The following SLC30A8 variants were observed in gnomAD, a reference collection of about 807,000 sequenced individuals.
SLC30A8 encodes solute carrier family 30 member 8.
A neutral mutation model predicts 36.9 loss-of-function variants in SLC30A8; 27 were observed. The observed-to-expected ratio is 0.73, with a 90% CI of 0.54 to 1.01. The LOEUF is 1.01. Ranked by LOEUF, SLC30A8 falls within the 50% of genes least tolerant of loss-of-function variation. The pLI, the probability that SLC30A8 is intolerant of heterozygous loss-of-function variation, is 0.00. For synonymous variants in SLC30A8, 164 were observed against 172.4 expected (o/e 0.95, Z 0.38); for missense variants, 439 against 452.0 (o/e 0.97, Z 0.26).
chr8:117,020,644 T>C (rs1816667041), intron 1 of SLC30A8, among the ~76,000 whole-genome samples: 1 of 146,978 alleles, frequency 6.8e-6, no homozygotes, highest in South Asian at 2.2e-4. Flanking sequence ...GTTGAATAAA[T>C]TCTGGTACAT....
chr8:117,145,437 G>T (rs73317630), intron 1 of SLC30A8, among the ~76,000 whole-genome samples: 1 of 151,564 alleles, frequency 6.6e-6, no homozygotes, highest in Non-Finnish European at 1.5e-5. Context: ...TAATAATAGA[G>T]TCAGAATAAT....
intron 1 of SLC30A8, among the ~76,000 whole-genome samples, chr8:117,035,008 A>G (rs1270808213): frequency 6.6e-6 from 1 of 152,100 alleles, no homozygotes; most frequent in Non-Finnish European, 1.5e-5. Flanking sequence ...ACCTCCCACC[A>G]TGTCTCTCTC....
intron 1 of SLC30A8, among the ~76,000 whole-genome samples, chr8:117,001,454 TTTTATTG>T (rs1036122841): frequency 6.6e-6 from 1 of 152,076 alleles, no homozygotes; most frequent in Non-Finnish European, 1.5e-5. Context: ...AATGCATCTC[TTTTATTG>T]TTTATGCTGT....
chr8:117,080,061 C>T (rs775549510), intron 2 of SLC30A8, among the ~76,000 whole-genome samples: 22 of 152,124 alleles, frequency 1.4e-4, no homozygotes, highest in Admixed American at 2.6e-4. Context: ...AGACAAGGAG[C>T]GAACTCAGAA....
intron 2 of SLC30A8, among the ~76,000 whole-genome samples, chr8:117,068,289 A>C (rs1273460251): frequency 6.6e-6 from 1 of 152,200 alleles, no homozygotes; most frequent in Non-Finnish European, 1.5e-5. Flanking sequence ...CTGTAGAAGA[A>C]GGGTGCTTCA....
At chr8:117,001,203 G>GA (rs1815998824) in intron 1 of SLC30A8, among the ~76,000 whole-genome samples, 1 of 106,606 alleles carries the variant, frequency 9.4e-6, no homozygotes. Context: ...TTTGCTAGGG[G>GA]CTTTTTTTTT....
rs1409506293 is a variant in SLC30A8, at chr8:117,175,921, CTG to C, written c.*3242_*3243del. ...TTAAAATAGTCGAATCCCTTTCTGACTGTCTCTGAAAGCTTCCGCTTTTATCT... is the reference window on the plus strand; with the variant it reads ...TTAAAATAGTCGAATCCCTTTCTGACTCTCTGAAAGCTTCCGCTTTTATCT... On this transcript the variant is annotated 3_prime_UTR_variant, in exon 8 of 8. Transcript: ENST00000456015. 5.9e-5 allele frequency: 9 copies of C among 152,058 alleles called. No individual in the cohort carries two copies. Among genetic ancestry groups the C allele is most frequent in the Non-Finnish European group, 1.5e-5 (1 of 67,986 alleles). The allele number at this position is 152,058 out of a possible 1,614,324, so 9.4% of individuals were successfully genotyped here.
chr8:117,158,974 A>G (rs796756310), intron 4 of SLC30A8, among the ~76,000 whole-genome samples: 5 of 152,362 alleles, frequency 3.3e-5, no homozygotes, highest in African/African-American at 1.2e-4. Context: ...GTGGGTCCAC[A>G]TAATGACAAG....
intron 2 of SLC30A8, among the ~76,000 whole-genome samples, chr8:117,120,069 C>G (rs1273664880): frequency 6.6e-6 from 1 of 151,694 alleles, no homozygotes. Context: ...AAATTCAATG[C>G]AATTTCTGTC....
chr8:116,981,907 A>G (rs1215655830), intron 1 of SLC30A8, among the ~76,000 whole-genome samples: 1 of 152,172 alleles, frequency 6.6e-6, no homozygotes, highest in Non-Finnish European at 1.5e-5. Flanking sequence ...TGATAGAATC[A>G]TTTACATTCC....
chr8:117,001,120 A>C (rs748673879), intron 1 of SLC30A8, among the ~76,000 whole-genome samples: 1 of 151,548 alleles, frequency 6.6e-6, no homozygotes, highest in Non-Finnish European at 1.5e-5. Context: ...GGTTCTCCTA[A>C]ATTTTTGGCC....
intron 2 of SLC30A8, among the ~76,000 whole-genome samples, chr8:117,066,205 G>A (rs757691960): frequency 6.6e-6 from 1 of 152,258 alleles, no homozygotes; most frequent in East Asian, 1.9e-4. Context: ...GTAGGCAAGC[G>A]CCTTCTTTCC....
chr8:117,161,119 A>C (rs1360514262), intron 4 of SLC30A8, among the ~76,000 whole-genome samples: 2 of 152,254 alleles, frequency 1.3e-5, no homozygotes, highest in Non-Finnish European at 2.9e-5. Flanking sequence ...GTATGTACAC[A>C]TACAAGATCA....
chr8:117,085,669 A>G (rs1328708616), intron 2 of SLC30A8, among the ~76,000 whole-genome samples: 3 of 152,282 alleles, frequency 2.0e-5, no homozygotes, highest in East Asian at 1.9e-4. Context: ...AATGGTTCTT[A>G]TGAATTATCT....
chr8:117,151,672 C>T (rs949070439), intron 2 of SLC30A8, among the ~76,000 whole-genome samples: 9 of 152,200 alleles, frequency 5.9e-5, no homozygotes, highest in African/African-American at 1.7e-4. Flanking sequence ...TATATTTCAG[C>T]CCAGCACATA....
intron 1 of SLC30A8, among the ~76,000 whole-genome samples, chr8:117,029,132 A>G (rs1816957637): frequency 6.6e-6 from 1 of 152,096 alleles, no homozygotes; most frequent in South Asian, 2.1e-4. Context: ...CGAACTATCC[A>G]TTTTTCTAAG....
At chr8:117,120,215 C>T (rs1820633261) in intron 2 of SLC30A8, among the ~76,000 whole-genome samples, 1 of 151,862 alleles carries the variant, frequency 6.6e-6, no homozygotes. Flanking sequence ...GATTTTAAAA[C>T]ATATTTCGTA....
At chr8:117,006,772 A>ATTTT (rs71305456) in intron 1 of SLC30A8, among the ~76,000 whole-genome samples, 13 of 78,920 alleles carry the variant, frequency 1.6e-4, no homozygotes, top group African/African-American at 5.1e-4. Context: ...GAGTCAGGTA[A>ATTTT]TTTTTTTTTT....
At chr8:117,017,233 T>G (rs928842622) in intron 1 of SLC30A8, among the ~76,000 whole-genome samples, 1 of 152,192 alleles carries the variant, frequency 6.6e-6, no homozygotes, top group African/African-American at 2.4e-5. Context: ...CTGCTGTTAT[T>G]AATATTATTA....
Sources: gnomAD v4.1 joint callset for allele counts (sites outside exome capture counted in the v4.1 genomes callset) on GRCh38, gnomAD v4.1.1 for gene constraint, MANE v1.5 for transcripts, NCBI Gene and HGNC (gene_info 2026-07-23, HGNC 2026-07-21) for gene names.